VGLL4: variants seen among roughly 807,000 people sequenced by gnomAD.
The protein encoded by VGLL4 is transcription cofactor vestigial-like protein 4.
In VGLL4, 7 loss-of-function variants were observed where a neutral mutation model predicts 21.0. The observed-to-expected ratio is 0.33, with a 90% CI of 0.19 to 0.63. The LOEUF (loss-of-function observed/expected upper bound fraction) is 0.63, where lower values mean the gene tolerates loss of function less well. Ranked by LOEUF, VGLL4 falls within the 20% of genes least tolerant of loss-of-function variation. VGLL4 has a pLI of 0.78. For missense variants in VGLL4, 394 were observed against 425.7 expected, an observed-to-expected ratio of 0.93 and a Z score of 0.66; for synonymous variants, 222 against 173.2, an observed-to-expected ratio of 1.28 and a Z score of -2.21.
At chr3:11,709,173 C>T (rs550265597) in intron 1 of VGLL4, among the ~76,000 whole-genome samples, 1 of 152,182 alleles carries the variant, frequency 6.6e-6, no homozygotes, top group South Asian at 2.1e-4. Flanking sequence ...TGCAGTGGCT[C>T]ATGCCTGTAA....
At chr3:11,609,798 T>C (rs1200870325) in intron 1 of VGLL4, among the ~76,000 whole-genome samples, 2 of 152,236 alleles carry the variant, frequency 1.3e-5, no homozygotes, top group Non-Finnish European at 2.9e-5. Context: ...ATGGTATTTA[T>C]GGGCATTTTC....
At chr3:11,718,155 C>T (rs1463458891) in intron 1 of VGLL4, among the ~76,000 whole-genome samples, 2 of 152,040 alleles carry the variant, frequency 1.3e-5, no homozygotes, top group African/African-American at 4.8e-5. Context: ...AAACGGTGGC[C>T]GGGGAAATTA....
chr3:11,664,126 T>A lies in VGLL4; in HGVS notation c.64+38845A>T, dbSNP rs1005875456. On this transcript the variant is annotated intron_variant, in intron 2 of 5. Coordinates refer to the VGLL4 transcript ENST00000273038. ...GCTGGTGCACACCTATAATTCCAGC[T>A]ACTTGGGAGGCTGAGGCAGGAGAAT... Among the ~76,000 whole-genome samples the A allele has an allele frequency of 1.3e-4, 20 of 152,148 alleles. No individual in the cohort carries two copies. The South Asian group carries it at 1.5e-3, about 11-fold the overall frequency.
chr3:11,720,086 G>T (rs2076973526), intron 1 of VGLL4, among the ~76,000 whole-genome samples: 1 of 152,042 alleles, frequency 6.6e-6, no homozygotes. Flanking sequence ...CCGGGGGACA[G>T]CGCACGGGAC....
At chr3:11,585,565 TA>T (rs965931370) in intron 2 of VGLL4, among the ~76,000 whole-genome samples, 1 of 152,084 alleles carries the variant, frequency 6.6e-6, no homozygotes, top group African/African-American at 2.4e-5. Context: ...TTTGTAGGTT[TA>T]AGGAGAAAAA....
Position 11,591,416 on chromosome 3 carries a change from C to T in VGLL4, c.272+10417G>A, listed in dbSNP as rs977038774. Among the ~76,000 whole-genome samples the T allele has an allele frequency of 2.6e-5, 4 of 152,314 alleles. No homozygotes were observed. The East Asian group carries it at 5.8e-4, about 22-fold the overall frequency. On this transcript the variant is annotated intron_variant, in intron 2 of 4. Coordinates refer to ENST00000430365, the MANE Select transcript of VGLL4 (RefSeq NM_001128219.3). The stretch of plus-strand genomic sequence containing the variant: ...TTCTGCTTCTCTGACTCCTGTCCCC[C>T]CTTGGCATTTCTTCATTCTGTGTCG...
At chr3:11,587,588 T>G (rs79754023) in intron 2 of VGLL4, among the ~76,000 whole-genome samples, 1 of 152,106 alleles carries the variant, frequency 6.6e-6, no homozygotes, top group African/African-American at 2.4e-5. Context: ...TTGGAAAAAT[T>G]TGAAAAATAC....
Position 11,581,251 on chromosome 3 carries a change from G to C in VGLL4, c.273-16232C>G, listed in dbSNP as rs527436053. ...CTAGCTAATTTTTATATTTTTAGTAGAGACGGGGTTTCACCATGTTGATCA... is the reference window on the plus strand; with the variant it reads ...CTAGCTAATTTTTATATTTTTAGTACAGACGGGGTTTCACCATGTTGATCA... On this transcript the variant is annotated intron_variant, in intron 2 of 4. Coordinates refer to ENST00000430365, the MANE Select transcript of VGLL4 (RefSeq NM_001128219.3). 5.6e-4 allele frequency among the ~76,000 whole-genome samples: 85 copies of C among 152,144 alleles called. 3 individuals are homozygous for C. The South Asian group carries it at 0.017, about 31-fold the overall frequency.
chr3:11,637,023 A>G (rs1478751731), intron 1 of VGLL4, among the ~76,000 whole-genome samples: 1 of 151,980 alleles, frequency 6.6e-6, no homozygotes, highest in Non-Finnish European at 1.5e-5. Flanking sequence ...AAAAGATACA[A>G]AAGAAGGCAT....
At chr3:11,707,716 G>C (rs1000405741) in intron 1 of VGLL4, among the ~76,000 whole-genome samples, 1 of 151,856 alleles carries the variant, frequency 6.6e-6, no homozygotes, top group Admixed American at 6.6e-5. Flanking sequence ...AAAATTAGCC[G>C]GGCATAGGGA....
At chr3:11,562,144 G>A (rs1013728716) in intron 3 of VGLL4, among the ~76,000 whole-genome samples, 3 of 151,886 alleles carry the variant, frequency 2.0e-5, no homozygotes, top group African/African-American at 7.3e-5. Context: ...GTGATCCGCC[G>A]CCTCAACCCC....
At chr3:11,629,226 T>C (rs369593812) in intron 1 of VGLL4, among the ~76,000 whole-genome samples, 4 of 152,236 alleles carry the variant, frequency 2.6e-5, no homozygotes, top group East Asian at 1.9e-4. Context: ...TGGTTGTTTC[T>C]GGGGTGTAGC....
rs1437508778 is a variant in VGLL4 at position 11,584,193 on chromosome 3, AAG to A, written c.272+17638_272+17639del. ...CATTTGACAGAGCATCCTTAATATG[AAG>A]AGTCGTAACATATCAAGAGAAAGAA... On this transcript the variant is annotated intron_variant, in intron 2 of 4. Coordinates refer to ENST00000430365, the MANE Select transcript of VGLL4 (RefSeq NM_001128219.3). Among the ~76,000 whole-genome samples, 7 of 152,384 alleles carry A rather than the reference AAG, an allele frequency of 4.6e-5. No individual in the cohort carries two copies. In the East Asian group the frequency reaches 1.2e-3, roughly 25 times the overall value.
chr3:11,571,370 G>A (rs967436899), intron 2 of VGLL4, among the ~76,000 whole-genome samples: 4 of 152,120 alleles, frequency 2.6e-5, no homozygotes, highest in African/African-American at 7.2e-5. Context: ...ATCCACCCAC[G>A]TAATGTTTCC....
intron 2 of VGLL4, 141 bp downstream of exon 2, chr3:11,601,692 A>G (rs1382266877): frequency 2.2e-5 from 24 of 1,070,624 alleles, no homozygotes; most frequent in Non-Finnish European, 2.7e-6. Flanking sequence ...TTGGCAGATG[A>G]ATACTATTTT....
chr3:11,618,630 A>G (rs1442733693), intron 1 of VGLL4, among the ~76,000 whole-genome samples: 8 of 152,202 alleles, frequency 5.3e-5, no homozygotes, highest in Non-Finnish European at 8.8e-5. Flanking sequence ...AAAATTATAC[A>G]CAATCAAGGA....
chr3:11,582,426 A>C, intron 2 of VGLL4: 1 of 1,504,664 alleles, frequency 6.6e-7, no homozygotes, highest in Non-Finnish European at 9.0e-7. Context: ...GTCCTCCCTG[A>C]AAGGAGGGTT....
chr3:11,638,141 A>G (rs1344311061), intron 1 of VGLL4, among the ~76,000 whole-genome samples: 1 of 152,192 alleles, frequency 6.6e-6, no homozygotes, highest in African/African-American at 2.4e-5. Flanking sequence ...AGCTATATTG[A>G]GAAGTTTGGA....
intron 2 of VGLL4, chr3:11,671,296 T>C (rs538137080): frequency 1.3e-6 from 2 of 1,590,786 alleles, no homozygotes; most frequent in South Asian, 2.2e-5. Context: ...AACTTTTGAG[T>C]GCACAGGACT....
Sources: gnomAD v4.1 joint callset for allele counts (sites outside exome capture counted in the v4.1 genomes callset) on GRCh38, gnomAD v4.1.1 for gene constraint, MANE v1.5 for transcripts, NCBI Gene and HGNC (gene_info 2026-07-23, HGNC 2026-07-21) for gene names.